The following TTC17 variants were observed in gnomAD, a reference collection of about 807,000 sequenced individuals.
TTC17 encodes the protein tetratricopeptide repeat protein 17.
TTC17 carries 58 observed loss-of-function variants against 143.8 expected under a neutral mutation model. The ratio of observed to expected loss-of-function variants is 0.40; its 90% CI spans 0.33 to 0.50. TTC17 has a LOEUF of 0.50. TTC17 is among the 20% of genes least tolerant of loss of function. The pLI is 0.49. For missense variants in TTC17, 1,273 were observed against 1,392.5 expected, an observed-to-expected ratio of 0.91 and a Z score of 1.37; for synonymous variants, 501 against 497.8, an observed-to-expected ratio of 1.01 and a Z score of -0.09.
At chr11:43,420,564 C>G (rs368496177) in intron 16 of TTC17, among the ~76,000 whole-genome samples, 180 of 152,208 alleles carry the variant, frequency 1.2e-3, no homozygotes, top group South Asian at 2.7e-3. Context: ...AGATGTTATG[C>G]CTGTACTTTT....
chr11:43,450,329 C>A, intron 20 of TTC17, 88 bp downstream of exon 20: 1 of 1,397,326 alleles, frequency 7.2e-7, no homozygotes, highest in Non-Finnish European at 9.4e-7. Context: ...GTGACCGGGC[C>A]TTTTAAAAAA....
At position 43,477,319 on chromosome 11, in the gene TTC17, G is replaced by A. The variant is rs898779531; in HGVS notation, c.3031-12920G>A. Among the ~76,000 whole-genome samples the A allele has an allele frequency of 2.0e-5, 3 of 152,170 alleles. No individual in the cohort carries two copies. In the East Asian group the frequency reaches 5.8e-4, roughly 29 times the overall value. Reference sequence around the variant, plus strand: ...CTTCAAACTGTTCTAATCTCTGCCTGTTACTCAGTTCCAAAGTCACTTCCA... The same window carrying A: ...CTTCAAACTGTTCTAATCTCTGCCTATTACTCAGTTCCAAAGTCACTTCCA... On this transcript the variant is annotated intron_variant, in intron 21 of 23. Coordinates refer to ENST00000039989, the MANE Select transcript of TTC17 (RefSeq NM_018259.6).
chr11:43,400,496 T>C (rs928585035), intron 9 of TTC17, among the ~76,000 whole-genome samples: 5 of 152,116 alleles, frequency 3.3e-5, no homozygotes, highest in African/African-American at 9.7e-5. Flanking sequence ...AACAAGGCCT[T>C]ACACTAAGTG....
intron 11 of TTC17, 127 bp from the exon 12 acceptor site, chr11:43,405,387 A>C (rs1858070125): frequency 2.8e-6 from 2 of 715,148 alleles, no homozygotes; most frequent in African/African-American, 1.8e-5. Flanking sequence ...AATATTATAG[A>C]GTCTACCATA....
intron 16 of TTC17, among the ~76,000 whole-genome samples, chr11:43,430,349 G>A (rs1049087548): frequency 6.6e-6 from 1 of 152,102 alleles, no homozygotes; most frequent in African/African-American, 2.4e-5. Flanking sequence ...GATGGCTTGA[G>A]CCTGGAAGGC....
chr11:43,478,861 C>G (rs1337643167), intron 21 of TTC17, among the ~76,000 whole-genome samples: 1 of 152,212 alleles, frequency 6.6e-6, no homozygotes, highest in Non-Finnish European at 1.5e-5. Context: ...CTCCTGGCCT[C>G]AAGCAATCCT....
chr11:43,465,854 A>G (rs1356340261), intron 21 of TTC17, among the ~76,000 whole-genome samples: 1 of 144,120 alleles, frequency 6.9e-6, no homozygotes, highest in African/African-American at 3.0e-5. Context: ...AACAGAGGAA[A>G]AAAGCATTAA....
At chr11:43,418,266 C>T (rs1946821961) in intron 16 of TTC17, among the ~76,000 whole-genome samples, 1 of 152,196 alleles carries the variant, frequency 6.6e-6, no homozygotes. Context: ...TTATCATCAT[C>T]ATCTCTCCCT....
At chr11:43,487,891 T>C (rs962405683) in intron 21 of TTC17, among the ~76,000 whole-genome samples, 7 of 152,234 alleles carry the variant, frequency 4.6e-5, no homozygotes, top group Admixed American at 1.3e-4. Context: ...AGGACCCTGG[T>C]GTGTCTGTCC....
At chr11:43,452,657 C>G (rs930493297) in intron 21 of TTC17, among the ~76,000 whole-genome samples, 1 of 152,032 alleles carries the variant, frequency 6.6e-6, no homozygotes, top group Middle Eastern at 3.4e-3. Flanking sequence ...AAATATTAGG[C>G]CAGGCACAGT....
chr11:43,472,136 T>C (rs1948103839), intron 21 of TTC17, among the ~76,000 whole-genome samples: 1 of 152,094 alleles, frequency 6.6e-6, no homozygotes, highest in South Asian at 2.1e-4. Flanking sequence ...ACAGGAGGAT[T>C]GCTTGAGACC....
At chr11:43,370,539 T>C (rs1856523628) in intron 1 of TTC17, among the ~76,000 whole-genome samples, 1 of 150,988 alleles carries the variant, frequency 6.6e-6, no homozygotes, top group Non-Finnish European at 1.5e-5. Flanking sequence ...GTCATTACAG[T>C]TTGTTTAAGG....
chr11:43,396,288 A>C (rs1857590044), intron 5 of TTC17: 1 of 150,586 alleles, frequency 6.6e-6, no homozygotes, highest in Non-Finnish European at 1.5e-5. Context: ...TTGTGCCTTC[A>C]CTCAGATATT....
At chr11:43,374,951 G>C (rs1856707720) in intron 1 of TTC17, among the ~76,000 whole-genome samples, 2 of 152,124 alleles carry the variant, frequency 1.3e-5, no homozygotes, top group African/African-American at 4.8e-5. Flanking sequence ...AGATGCCCTA[G>C]GCAGAGGGAC....
At chr11:43,378,854 A>C (rs1215258948) in intron 1 of TTC17, 2 of 177,348 alleles carry the variant, frequency 1.1e-5, no homozygotes. Context: ...TATCACTTCC[A>C]AGCCTATTCA....
chr11:43,483,441 T>G (rs375788336), intron 21 of TTC17, among the ~76,000 whole-genome samples: 3 of 152,254 alleles, frequency 2.0e-5, no homozygotes, highest in African/African-American at 7.2e-5. Flanking sequence ...ATCTCACTCA[T>G]GAACTTAGGT....
At chr11:43,367,667 G>A (rs971391044) in intron 1 of TTC17, among the ~76,000 whole-genome samples, 1 of 152,112 alleles carries the variant, frequency 6.6e-6, no homozygotes, top group African/African-American at 2.4e-5. Context: ...TAAAACCTGC[G>A]TCTCAGCTGT....
intron 2 of TTC17, chr11:43,385,556 A>G (rs1373530702): frequency 6.6e-6 from 1 of 152,110 alleles, no homozygotes; most frequent in Non-Finnish European, 1.5e-5. Flanking sequence ...GCTTAGATAT[A>G]TTTAGATATG....
chr11:43,454,632 G>A (rs1201743260), intron 21 of TTC17, among the ~76,000 whole-genome samples: 1 of 151,926 alleles, frequency 6.6e-6, no homozygotes, highest in African/African-American at 2.4e-5. Context: ...TAAAAGAATG[G>A]ATAAAGCATA....
Sources: gnomAD v4.1 joint callset for allele counts (sites outside exome capture counted in the v4.1 genomes callset) on GRCh38, gnomAD v4.1.1 for gene constraint, MANE v1.5 for transcripts, NCBI Gene and HGNC (gene_info 2026-07-23, HGNC 2026-07-21) for gene names.